The following LSAMP variants were observed in gnomAD, a reference collection of about 807,000 sequenced individuals.
LSAMP encodes limbic system associated membrane protein.
A neutral mutation model predicts 38.6 loss-of-function variants in LSAMP; 7 were observed. The ratio of observed to expected loss-of-function variants is 0.18; its 90% confidence interval spans 0.10 to 0.34. The LOEUF (loss-of-function observed/expected upper bound fraction) is 0.34, where lower values mean the gene tolerates loss of function less well. LSAMP is among the 10% of genes least tolerant of loss of function. LSAMP has a pLI of 1.00. For missense variants in LSAMP, 313 were observed against 420.0 expected, an observed-to-expected ratio of 0.75 and a Z score of 2.23; for synonymous variants, 154 against 166.8, an observed-to-expected ratio of 0.92 and a Z score of 0.59.
At chr3:116,378,822 T>C (rs1266967706) in intron 1 of LSAMP, among the ~76,000 whole-genome samples, 2 of 152,058 alleles carry the variant, frequency 1.3e-5, no homozygotes, top group African/African-American at 2.4e-5. Flanking sequence ...AAGGTAGATA[T>C]GTCTATAAGA....
At chr3:115,832,665 A>C (rs559536622) in intron 6 of LSAMP, among the ~76,000 whole-genome samples, 2 of 152,302 alleles carry the variant, frequency 1.3e-5, no homozygotes, top group South Asian at 4.1e-4. Context: ...CTATCTTTGT[A>C]TAGCAAACTC....
chr3:116,145,046 TTTGA>T (rs1709458214), intron 1 of LSAMP, among the ~76,000 whole-genome samples: 1 of 151,962 alleles, frequency 6.6e-6, no homozygotes, highest in Non-Finnish European at 1.5e-5. Context: ...CTTAATTTTG[TTTGA>T]TTGATTTTAA....
intron 2 of LSAMP, chr3:116,051,271 G>T (rs1329650540): frequency 6.6e-6 from 1 of 152,142 alleles, no homozygotes; most frequent in Non-Finnish European, 1.5e-5. Flanking sequence ...CAAAACATAG[G>T]TTTAAAATAG....
chr3:115,979,371 C>G (rs1939291024), intron 3 of LSAMP, among the ~76,000 whole-genome samples: 2 of 152,034 alleles, frequency 1.3e-5, no homozygotes, highest in African/African-American at 2.4e-5. Flanking sequence ...GTGAGAAGAA[C>G]AACAATATTG....
chr3:115,993,890 A>G, intron 3 of LSAMP, among the ~76,000 whole-genome samples: 1 of 152,130 alleles, frequency 6.6e-6, no homozygotes. Context: ...CCTGTAGAGA[A>G]TGGTGCTGTT....
chr3:116,433,933 T>A (rs915327519), intron 1 of LSAMP, among the ~76,000 whole-genome samples: 3 of 152,206 alleles, frequency 2.0e-5, no homozygotes, highest in Admixed American at 6.5e-5. Flanking sequence ...TAGGTCCCTA[T>A]GTCTGTAACT....
intron 2 of LSAMP, among the ~76,000 whole-genome samples, chr3:116,062,110 A>T (rs1395412449): frequency 1.3e-5 from 2 of 152,232 alleles, no homozygotes; most frequent in Non-Finnish European, 2.9e-5. Flanking sequence ...ATAAAAACAA[A>T]ATAAGTACTA....
intron 2 of LSAMP, among the ~76,000 whole-genome samples, chr3:116,072,427 A>T (rs1272883112): frequency 2.6e-5 from 4 of 152,138 alleles, no homozygotes; most frequent in Non-Finnish European, 5.9e-5. Context: ...CAGTAATGAG[A>T]TTGCTGGGTC....
Position 115,804,137 on chromosome 3 carries a change from A to G in LSAMP, c.*6180T>C, listed in dbSNP as rs1196148810. ...GAAAAAATTTACAGACCCAGTCCAGAGTCCCTGTATTCTAGCAGTTTTGGG... is the reference window on the plus strand; with the variant it reads ...GAAAAAATTTACAGACCCAGTCCAGGGTCCCTGTATTCTAGCAGTTTTGGG... On this transcript the variant is annotated 3_prime_UTR_variant, in exon 7 of 7. Transcript: ENST00000490035. 1.3e-5 allele frequency: 2 copies of G among 152,206 alleles called. No homozygotes were observed. Among genetic ancestry groups the G allele is most frequent in the African/African-American group, 4.8e-5 (2 of 41,464 alleles). 9.4% of individuals were successfully genotyped at this position (152,206 alleles called of 1,614,324 possible).
At chr3:116,021,668 T>G (rs549577491) in intron 2 of LSAMP, among the ~76,000 whole-genome samples, 2 of 152,092 alleles carry the variant, frequency 1.3e-5, no homozygotes, top group East Asian at 3.9e-4. Context: ...TAAGAAGAAA[T>G]ATAGATATGT....
chr3:116,305,425 C>T (rs2047468550), intron 1 of LSAMP, among the ~76,000 whole-genome samples: 1 of 152,034 alleles, frequency 6.6e-6, no homozygotes, highest in South Asian at 2.1e-4. Context: ...AGGCAAGATG[C>T]CCTTGAACCA....
chr3:116,009,740 G>C (rs1940270124), intron 3 of LSAMP, among the ~76,000 whole-genome samples: 1 of 151,920 alleles, frequency 6.6e-6, no homozygotes, highest in Non-Finnish European at 1.5e-5. Context: ...TCTTCTGTTT[G>C]ACTCAACTTA....
chr3:115,937,763 G>T (rs1042861602), intron 3 of LSAMP, among the ~76,000 whole-genome samples: 1 of 148,968 alleles, frequency 6.7e-6, no homozygotes, highest in East Asian at 2.0e-4. Context: ...AGGGAAGCCC[G>T]CAGCATGCTA....
At chr3:116,111,073 G>A (rs1708602434) in intron 1 of LSAMP, among the ~76,000 whole-genome samples, 1 of 152,162 alleles carries the variant, frequency 6.6e-6, no homozygotes, top group Non-Finnish European at 1.5e-5. Context: ...GTTAAGGTGG[G>A]GCAGGAACAA....
chr3:115,823,379 C>T (rs547606287), intron 6 of LSAMP, among the ~76,000 whole-genome samples: 1 of 152,194 alleles, frequency 6.6e-6, no homozygotes, highest in Non-Finnish European at 1.5e-5. Context: ...CAGAAACATG[C>T]CCAGCTTCTG....
At chr3:116,155,892 T>G (rs955315969) in intron 1 of LSAMP, among the ~76,000 whole-genome samples, 4 of 152,166 alleles carry the variant, frequency 2.6e-5, no homozygotes, top group Admixed American at 2.6e-4. Flanking sequence ...GGGTCCATGA[T>G]GCCCACAGTA....
intron 1 of LSAMP, among the ~76,000 whole-genome samples, chr3:116,316,530 T>C (rs2047630870): frequency 6.6e-6 from 1 of 152,100 alleles, no homozygotes; most frequent in Non-Finnish European, 1.5e-5. Context: ...CCCAGAACTT[T>C]GGGAGACCGA....
chr3:116,019,110 A>G (rs1408785801), intron 3 of LSAMP, among the ~76,000 whole-genome samples: 1 of 136,528 alleles, frequency 7.3e-6, no homozygotes, highest in East Asian at 2.4e-4. Context: ...TGTATTTTAC[A>G]TATAATATCA....
At chr3:116,255,786 T>C (rs947015174) in intron 1 of LSAMP, among the ~76,000 whole-genome samples, 5 of 152,118 alleles carry the variant, frequency 3.3e-5, no homozygotes, top group Admixed American at 3.3e-4. Context: ...CCAAATCAGC[T>C]TTGGCTATAG....
Sources: allele counts gnomAD v4.1 joint callset (sites outside exome capture counted in the v4.1 genomes callset), GRCh38; gene constraint gnomAD v4.1.1; transcripts MANE v1.5; gene names NCBI Gene and HGNC (gene_info 2026-07-23, HGNC 2026-07-21).